The following ZNF776 variants were observed in gnomAD, a reference collection of about 807,000 sequenced individuals.
ZNF776 encodes the protein zinc finger protein 776.
In ZNF776, 4 loss-of-function variants were observed where a neutral mutation model predicts 7.0. The ratio of observed to expected loss-of-function variants is 0.57; its 90% CI spans 0.28 to 1.31. The LOEUF (loss-of-function observed/expected upper bound fraction) is 1.31. Ranked by LOEUF, ZNF776 falls within the 50% of genes most tolerant of loss-of-function variation. The pLI, the probability that ZNF776 is intolerant of heterozygous loss-of-function variation, is 0.10. For synonymous variants in ZNF776, 212 were observed against 213.7 expected, an observed-to-expected ratio of 0.99 and a Z score of 0.07; for missense variants, 555 against 625.9, an observed-to-expected ratio of 0.89 and a Z score of 1.21.
intron 2 of ZNF776, among the ~76,000 whole-genome samples, chr19:57,751,400 C>T (rs1349592732): frequency 6.6e-6 from 1 of 152,182 alleles, no homozygotes; most frequent in African/African-American, 2.4e-5. Flanking sequence ...TTAACTCTGT[C>T]ACCCAGGCTG....
intron 2 of ZNF776, among the ~76,000 whole-genome samples, chr19:57,752,422 A>G (rs1272996909): frequency 6.6e-6 from 1 of 152,044 alleles, no homozygotes; most frequent in Admixed American, 6.5e-5. Flanking sequence ...TATGTCATCC[A>G]TGTCTCATGT....
intron 2 of ZNF776, among the ~76,000 whole-genome samples, 177 bp downstream of exon 2, chr19:57,751,088 C>T (rs925014380): frequency 7.0e-6 from 1 of 142,470 alleles, no homozygotes. Context: ...TGCCCTCTCT[C>T]TCCTTGAGCA....
rs1216586902 is a variant in ZNF776, at chr19:57,757,010, A to AT, written c.*2329dup. 1 of 338,132 alleles carries AT rather than the reference A, an allele frequency of 3.0e-6. No homozygotes were observed. The highest frequency in any genetic ancestry group is 5.8e-6 in the Non-Finnish European group (1 of 171,886). 20.9% of individuals were successfully genotyped at this position (338,132 alleles called of 1,614,324 possible). A position where few individuals can be genotyped will look rare whatever the true frequency, so the allele number is the denominator to read the frequency against. On this transcript the variant is annotated 3_prime_UTR_variant, in exon 3 of 3. Coordinates refer to ENST00000317178, the MANE Select transcript of ZNF776 (RefSeq NM_173632.4). ...TGAGATTAGCCCAGGTAATTTAAGA[A>AT]TTTTTTATAGAGATAGGGTTTTGCT...
At position 57,756,277 on chromosome 19, in the gene ZNF776, T is replaced by G. The variant is rs199744931; in HGVS notation, c.*1590T>G. The G allele has an allele frequency of 5.0e-5, 1 of 19,842 alleles. No individual in the cohort carries two copies. The highest frequency in any genetic ancestry group is 7.9e-5 in the Non-Finnish European group (1 of 12,692). 1.2% of individuals were successfully genotyped at this position (19,842 alleles called of 1,614,324 possible). A position where few individuals can be genotyped will look rare whatever the true frequency, so the allele number is the denominator to read the frequency against. Reference sequence around the variant, plus strand: ...TCTTAAAATGGAATTTTCCAGCCTCTTAACTCACCAACCCAAGTACAAGCT... The same window carrying G: ...TCTTAAAATGGAATTTTCCAGCCTCGTAACTCACCAACCCAAGTACAAGCT... On this transcript the variant is annotated 3_prime_UTR_variant, in exon 3 of 3. Transcript: ENST00000317178.
In ZNF776 at chr19:57,755,147, G is replaced by A. The variant is rs918874452; in HGVS notation, c.*460G>A. 1.3e-4 allele frequency: 23 copies of A among 170,842 alleles called. No individual in the cohort carries two copies. Among genetic ancestry groups the A allele is most frequent in the African/African-American group, 4.6e-4 (19 of 41,600 alleles). 10.6% of individuals were successfully genotyped at this position (170,842 alleles called of 1,614,324 possible). On this transcript the variant is annotated 3_prime_UTR_variant, in exon 3 of 3. Transcript: ENST00000317178. ...AGAAATCATTTCCGTACAGCTCTGC[G>A]CTCCATGTTCGTAAGAGTTCACACT... is the stretch of plus-strand genomic sequence containing the variant.
At chr19:57,747,153 GA>G in intron 1 of ZNF776, 62 bp downstream of exon 1, 1 of 1,519,262 alleles carries the variant, frequency 6.6e-7, no homozygotes, top group Non-Finnish European at 8.9e-7. Flanking sequence ...CAAAAGCAGA[GA>G]GGAAGCGGCG....
rs915883335 is a variant in ZNF776 at position 57,746,868 on chromosome 19, G to C, written c.-191G>C. The C allele has an allele frequency of 4.1e-5, 21 of 517,442 alleles. No individual in the cohort carries two copies. The highest frequency in any genetic ancestry group is 5.9e-5 in the Non-Finnish European group (17 of 288,834). The allele number at this position is 517,442 out of a possible 1,614,324, so 32.1% of individuals were successfully genotyped here. On this transcript the variant is annotated 5_prime_UTR_variant, in exon 1 of 3. Coordinates refer to ENST00000317178, the MANE Select transcript of ZNF776 (RefSeq NM_173632.4). ...ATTTTCCAGTGAGAGACCGCGGAGTGTTGGGTCGTGTAGAAGTGACTGAAC... is the reference window on the plus strand; with the variant it reads ...ATTTTCCAGTGAGAGACCGCGGAGTCTTGGGTCGTGTAGAAGTGACTGAAC...
At position 57,747,004 on chromosome 19, in the gene ZNF776, G is replaced by C. The variant is rs1600064031; in HGVS notation, c.-55G>C. ...GGCCGGGATCGGGACCACCGTGCCC[G>C]GGTACCTGCACTGCTCGCCCCCTCC... On this transcript the variant is annotated 5_prime_UTR_variant, in exon 1 of 3. Coordinates refer to ENST00000317178, the MANE Select transcript of ZNF776 (RefSeq NM_173632.4). 6.6e-7 allele frequency: 1 copy of C among 1,511,382 alleles called. No individual in the cohort carries two copies. Among genetic ancestry groups the C allele is most frequent in the East Asian group, 2.5e-5 (1 of 40,082 alleles). 93.6% of individuals were successfully genotyped at this position (1,511,382 alleles called of 1,614,324 possible).
intron 2 of ZNF776, among the ~76,000 whole-genome samples, chr19:57,751,863 G>GT (rs1256893730): frequency 2.8e-3 from 178 of 63,312 alleles, no homozygotes; most frequent in African/African-American, 0.011. Context: ...TGTATTTTTG[G>GT]TTTTGTTTTT....
rs1427356039 is a variant in ZNF776 at position 57,757,122 on chromosome 19, C to T, written c.*2435C>T. ...AAGCACTAGGATTACAGGTGTGAGC[C>T]ACCATGCCCAGCCCAAAAATAATTT... On this transcript the variant is annotated 3_prime_UTR_variant, in exon 3 of 3. Coordinates refer to ENST00000317178, the MANE Select transcript of ZNF776 (RefSeq NM_173632.4). 1 of 175,238 alleles carries T rather than the reference C, an allele frequency of 5.7e-6. No individual in the cohort carries two copies. The highest frequency in any genetic ancestry group is 1.2e-5 in the Non-Finnish European group (1 of 81,008). 10.9% of individuals were successfully genotyped at this position (175,238 alleles called of 1,614,324 possible).
At chr19:57,753,226 G>T in intron 2 of ZNF776, 65 bp from the exon 3 acceptor site, 3 of 1,478,324 alleles carry the variant, frequency 2.0e-6, no homozygotes, top group African/African-American at 1.4e-5. Flanking sequence ...TGTTGATCAG[G>T]TATGGCTTAG....
At chr19:57,748,721 G>A (rs1314844178) in intron 1 of ZNF776, among the ~76,000 whole-genome samples, 1 of 152,084 alleles carries the variant, frequency 6.6e-6, no homozygotes, top group African/African-American at 2.4e-5. Context: ...AGCATAATTT[G>A]ACAGGGGACA....
intron 2 of ZNF776, among the ~76,000 whole-genome samples, chr19:57,752,150 G>A (rs191425752): frequency 2.0e-5 from 3 of 152,182 alleles, no homozygotes; most frequent in East Asian, 1.9e-4. Flanking sequence ...GATTACAGGC[G>A]TGAGCCACCG....
intron 1 of ZNF776, among the ~76,000 whole-genome samples, chr19:57,748,126 T>G (rs956631813): frequency 6.6e-6 from 1 of 151,984 alleles, no homozygotes. Context: ...GAGGAGGAAA[T>G]AAGATGAGAG....
Position 57,754,111 on chromosome 19 carries a change from A to G in ZNF776, c.981A>G (p.Lys327=). 1 of 1,613,824 alleles carries G rather than the reference A, an allele frequency of 6.2e-7. No individual in the cohort carries two copies. Among genetic ancestry groups the G allele is most frequent in the Non-Finnish European group, 8.5e-7 (1 of 1,179,936 alleles). The change falls in exon 3 of 3, where the codon AAA becomes AAG. Residue 327 remains lysine, a synonymous_variant. Transcript: ENST00000317178. The part of the protein sequence containing the change: ...ERPYECDECG[K]SFSHKRSLVH... Reference sequence around the variant, plus strand: ...CTTATGAATGTGACGAATGTGGGAAATCTTTTAGCCATAAGCGCAGCCTTG... The same window carrying G: ...CTTATGAATGTGACGAATGTGGGAAGTCTTTTAGCCATAAGCGCAGCCTTG...
In ZNF776 at chr19:57,754,944, G is replaced by A; in HGVS notation, c.*257G>A. On this transcript the variant is annotated 3_prime_UTR_variant, in exon 3 of 3. Transcript: ENST00000317178. ...AAGACCCTATAGTTATGGGGAATTTGGGAAATTACCTAACAAGAAGTCCCA... is the reference window on the plus strand; with the variant it reads ...AAGACCCTATAGTTATGGGGAATTTAGGAAATTACCTAACAAGAAGTCCCA... The A allele has an allele frequency of 6.8e-6, 3 of 442,800 alleles. No individual in the cohort carries two copies. The highest frequency in any genetic ancestry group is 8.1e-6 in the Non-Finnish European group (2 of 247,310). The allele number at this position is 442,800 out of a possible 1,614,324, so 27.4% of individuals were successfully genotyped here. A position where few individuals can be genotyped will look rare whatever the true frequency, so the allele number is the denominator to read the frequency against.
rs962167593 is a variant in ZNF776 at position 57,753,964 on chromosome 19, C to A, written c.834C>A (p.His278Gln). 1.7e-5 allele frequency: 27 copies of A among 1,614,238 alleles called. No homozygotes were observed. The East Asian group carries it at 6.0e-4, about 36-fold the overall frequency. ...QCDESFWYKA[H>Q]LTEHQRVHTG... ...ATGAATCATTTTGGTATAAGGCCCA[C>A]CTCACTGAACACCAGAGAGTTCACA... The change falls in exon 3 of 3, where the codon CAC becomes CAA. Residue 278 changes from histidine (H) to glutamine (Q), a missense_variant. Physicochemically the swap from His to Gln is conservative, Grantham distance 24. Transcript: ENST00000317178.
rs1986772374 is a variant in ZNF776, at chr19:57,756,242, T to C, written c.*1555T>C. On this transcript the variant is annotated 3_prime_UTR_variant, in exon 3 of 3. Coordinates refer to ENST00000317178, the MANE Select transcript of ZNF776 (RefSeq NM_173632.4). ...GCTGTCTTTCCTAGGAATCTCATGATTGTCATGATTCTTAAAATGGAATTT... is the reference window on the plus strand; with the variant it reads ...GCTGTCTTTCCTAGGAATCTCATGACTGTCATGATTCTTAAAATGGAATTT... The C allele has an allele frequency of 6.9e-6, 1 of 144,958 alleles. No individual in the cohort carries two copies. Among genetic ancestry groups the C allele is most frequent in the Non-Finnish European group, 1.5e-5 (1 of 67,070 alleles). 9.0% of individuals were successfully genotyped at this position (144,958 alleles called of 1,614,324 possible).
intron 1 of ZNF776, 149 bp from the exon 2 acceptor site, chr19:57,750,636 C>A: frequency 9.6e-7 from 1 of 1,041,210 alleles, no homozygotes; most frequent in Non-Finnish European, 1.3e-6. Flanking sequence ...TGGCTGTACA[C>A]CATGACCAGT....
Sources: gnomAD v4.1 joint callset for allele counts (sites outside exome capture counted in the v4.1 genomes callset) on GRCh38, gnomAD v4.1.1 for gene constraint, MANE v1.5 for transcripts, NCBI Gene and HGNC (gene_info 2026-07-23, HGNC 2026-07-21) for gene names.